Variants in THEMIS observed in about 807,000 individuals in gnomAD.
THEMIS encodes the protein thymocyte selection associated, also known as protein THEMIS.
In THEMIS, 37 loss-of-function variants were observed where a neutral mutation model predicts 52.6. That is an observed-to-expected ratio of 0.70 (90% CI 0.54 to 0.93). The LOEUF (loss-of-function observed/expected upper bound fraction) is 0.93, where lower values mean the gene tolerates loss of function less well. Among genes scored for constraint, THEMIS ranks in the 40% least tolerant of loss-of-function variants. THEMIS has a pLI of 0.00. For synonymous variants in THEMIS, 292 were observed against 272.7 expected (o/e 1.07, Z -0.70); for missense variants, 808 against 763.1 (o/e 1.06, Z -0.69).
rs1156311225 is a variant in THEMIS, at chr6:127,745,138, G to A, written c.1759-25315C>T. Among the ~76,000 whole-genome samples, 66 of 151,880 alleles carry A rather than the reference G, an allele frequency of 4.3e-4. 1 individual carries two copies. The highest frequency in any genetic ancestry group is 4.3e-3 in the Admixed American group (66 of 15,228). Reference sequence around the variant, plus strand: ...TTAATGCCACAAAACAATCAGACAAGTTGATACAAATCTAACTTTGAGGAC... The same window carrying A: ...TTAATGCCACAAAACAATCAGACAAATTGATACAAATCTAACTTTGAGGAC... On this transcript the variant is annotated intron_variant, in intron 4 of 5. Coordinates refer to ENST00000368248, the MANE Select transcript of THEMIS (RefSeq NM_001010923.3).
At chr6:127,912,814 T>G (rs993638118) in intron 1 of THEMIS, among the ~76,000 whole-genome samples, 1 of 152,236 alleles carries the variant, frequency 6.6e-6, no homozygotes, top group Non-Finnish European at 1.5e-5. Context: ...TGACAAATTT[T>G]GTATACCTGT....
At chr6:127,873,439 A>G (rs1780215484) in intron 1 of THEMIS, among the ~76,000 whole-genome samples, 1 of 152,182 alleles carries the variant, frequency 6.6e-6, no homozygotes, top group Non-Finnish European at 1.5e-5. Context: ...TGGCAGAGGA[A>G]TAGATATACG....
At chr6:127,911,024 T>C (rs1781398847) in intron 1 of THEMIS, among the ~76,000 whole-genome samples, 1 of 151,950 alleles carries the variant, frequency 6.6e-6, no homozygotes, top group South Asian at 2.1e-4. Flanking sequence ...TGTCTGATGT[T>C]TTTCTCATGG....
chr6:127,811,706 C>A (rs906318438), intron 4 of THEMIS, among the ~76,000 whole-genome samples: 2 of 152,162 alleles, frequency 1.3e-5, no homozygotes, highest in Admixed American at 6.5e-5. Flanking sequence ...TTTCTCATTT[C>A]ATTTCTCACT....
At chr6:127,872,086 A>T (rs1279335719) in intron 1 of THEMIS, among the ~76,000 whole-genome samples, 3 of 152,202 alleles carry the variant, frequency 2.0e-5, no homozygotes, top group Non-Finnish European at 4.4e-5. Context: ...CTAGCAATAT[A>T]TAAAAAGAAT....
intron 1 of THEMIS, among the ~76,000 whole-genome samples, chr6:127,871,400 A>C (rs1403500150): frequency 1.3e-5 from 2 of 152,122 alleles, no homozygotes; most frequent in Non-Finnish European, 2.9e-5. Context: ...TGAGAGGATA[A>C]CTTTTAGCAC....
intron 4 of THEMIS, among the ~76,000 whole-genome samples, chr6:127,799,541 TTCTTTCTTTCTA>T (rs1348171817): frequency 3.1e-5 from 4 of 130,482 alleles, no homozygotes; most frequent in Non-Finnish European, 6.8e-5. Flanking sequence ...CTTTCTTTCT[TTCTTTCTTTCTA>T]TCTTTCTTTC....
intron 3 of THEMIS, among the ~76,000 whole-genome samples, chr6:127,816,259 T>C (rs1230687496): frequency 6.6e-6 from 1 of 151,512 alleles, no homozygotes; most frequent in African/African-American, 2.4e-5. Flanking sequence ...GGTGTCTTGG[T>C]TCTCTTTTTC....
intron 4 of THEMIS, among the ~76,000 whole-genome samples, chr6:127,752,362 AG>A (rs1211473445): frequency 8.6e-6 from 1 of 116,552 alleles, no homozygotes; most frequent in Non-Finnish European, 2.1e-5. Flanking sequence ...TGAAACGAAG[AG>A]TTTTTTTTTT....
At chr6:127,796,893 A>G (rs930330565) in intron 4 of THEMIS, among the ~76,000 whole-genome samples, 1 of 152,234 alleles carries the variant, frequency 6.6e-6, no homozygotes, top group Non-Finnish European at 1.5e-5. Flanking sequence ...TCTGTGAACT[A>G]GTGGTTATTC....
At chr6:127,880,540 T>C (rs1780450344) in intron 1 of THEMIS, among the ~76,000 whole-genome samples, 1 of 150,490 alleles carries the variant, frequency 6.6e-6, no homozygotes, top group Non-Finnish European at 1.5e-5. Context: ...TTGAATATGT[T>C]TTAAGCTTTT....
In THEMIS at chr6:127,737,110, T is replaced by A. The variant is rs116221946; in HGVS notation, c.1759-17287A>T. On this transcript the variant is annotated intron_variant, in intron 4 of 5. Coordinates refer to ENST00000368248, the MANE Select transcript of THEMIS (RefSeq NM_001010923.3). ...TTGTGTTTTGGTAGTAATTATATAT[T>A]CCCACCAGATGGCAGTCTTCCCTGG... Among the ~76,000 whole-genome samples the A allele has an allele frequency of 9.6e-3, 1,469 of 152,234 alleles. 31 individuals carry two copies. Among genetic ancestry groups the A allele is most frequent in the African/African-American group, 0.034 (1,414 of 41,530 alleles).
chr6:127,798,332 G>A (rs901150896), intron 4 of THEMIS, among the ~76,000 whole-genome samples: 1 of 152,050 alleles, frequency 6.6e-6, no homozygotes, highest in Non-Finnish European at 1.5e-5. Context: ...AAATGACTAA[G>A]TAGTTAAGAA....
At chr6:127,872,706 G>A (rs1730645589) in intron 1 of THEMIS, among the ~76,000 whole-genome samples, 2 of 152,030 alleles carry the variant, frequency 1.3e-5, no homozygotes, top group Non-Finnish European at 2.9e-5. Flanking sequence ...AAACCTGAAT[G>A]TTTTCTCCCT....
chr6:127,789,146 GA>G (rs1777075570), intron 4 of THEMIS, among the ~76,000 whole-genome samples: 1 of 151,722 alleles, frequency 6.6e-6, no homozygotes, highest in Non-Finnish European at 1.5e-5. Flanking sequence ...GACTAATAAA[GA>G]AGAGAGAAGA....
chr6:127,877,794 G>C (rs1361900687), intron 1 of THEMIS, among the ~76,000 whole-genome samples: 1 of 152,136 alleles, frequency 6.6e-6, no homozygotes, highest in African/African-American at 2.4e-5. Context: ...CACATTGGTG[G>C]AAAATGGTGC....
chr6:127,868,567 T>G, intron 1 of THEMIS: 1 of 706,240 alleles, frequency 1.4e-6, no homozygotes, highest in African/African-American at 1.9e-5. Context: ...CCAGCTCAGG[T>G]GGATATGGGA....
At chr6:127,746,227 T>C (rs889488614) in intron 4 of THEMIS, among the ~76,000 whole-genome samples, 1 of 151,766 alleles carries the variant, frequency 6.6e-6, no homozygotes, top group African/African-American at 2.4e-5. Context: ...TCTGTTTCAC[T>C]GAAAAATATA....
At chr6:127,700,702 A>G in the THEMIS span, among the ~76,000 whole-genome samples, 2 of 152,086 alleles carry the variant, frequency 1.3e-5, no homozygotes, top group Non-Finnish European at 2.9e-5. Flanking sequence ...TAACAACATT[A>G]TATCTGATGA....
Sources: allele counts gnomAD v4.1 joint callset (sites outside exome capture counted in the v4.1 genomes callset), GRCh38; gene constraint gnomAD v4.1.1; transcripts MANE v1.5; gene names NCBI Gene and HGNC (gene_info 2026-07-23, HGNC 2026-07-21).